Variants in RBFOX3 observed in about 807,000 individuals in gnomAD.
RBFOX3 encodes RNA binding protein fox-1 homolog 3.
In RBFOX3, 17 loss-of-function variants were observed where a neutral mutation model predicts 48.7. The observed-to-expected ratio is 0.35, with a 90% confidence interval of 0.24 to 0.52. The LOEUF is 0.52. RBFOX3 is among the 20% of genes least tolerant of loss of function. RBFOX3 has a pLI of 0.94. For synonymous variants in RBFOX3, 212 were observed against 209.5 expected (o/e 1.01, Z -0.10); for missense variants, 382 against 497.5 (o/e 0.77, Z 2.21).
intron 1 of RBFOX3, among the ~76,000 whole-genome samples, chr17:79,593,057 G>C (rs1384345471): frequency 6.6e-6 from 1 of 152,134 alleles, no homozygotes; most frequent in Non-Finnish European, 1.5e-5. Flanking sequence ...GCCCACACTG[G>C]GCTCTTGCCA....
At chr17:79,614,924 GAGA>G (rs1437595567), upstream of RBFOX3, among the ~76,000 whole-genome samples, 19 of 152,242 alleles carry the variant, frequency 1.2e-4, no homozygotes, top group Non-Finnish European at 2.5e-4. Flanking sequence ...GGCCCCCAGA[GAGA>G]AGGAGGAGGA....
At chr17:79,633,605 T>G in the RBFOX3 span, among the ~76,000 whole-genome samples, 1 of 152,046 alleles carries the variant, frequency 6.6e-6, no homozygotes, top group African/African-American at 2.4e-5. Flanking sequence ...GCTGTTTTTT[T>G]TTTTAACTGT....
chr17:79,172,028 G>T (rs1464431790), intron 4 of RBFOX3, among the ~76,000 whole-genome samples: 1 of 151,860 alleles, frequency 6.6e-6, no homozygotes. Context: ...ATAAAAATTA[G>T]CCAGGGGTGG....
chr17:79,237,806 T>C (rs189494765), intron 3 of RBFOX3, among the ~76,000 whole-genome samples: 1 of 152,278 alleles, frequency 6.6e-6, no homozygotes, highest in Admixed American at 6.5e-5. Context: ...TGGAGCCATC[T>C]CCACACACAG....
intron 4 of RBFOX3, among the ~76,000 whole-genome samples, chr17:79,151,117 C>G (rs979283158): frequency 6.6e-6 from 1 of 152,114 alleles, no homozygotes; most frequent in African/African-American, 2.4e-5. Context: ...CAGCTCTTGG[C>G]GCAGATTCTG....
At chr17:79,424,520 T>TCTCTCCAGCTGGAGTCACCACTGGC (rs2067007651) in intron 2 of RBFOX3, among the ~76,000 whole-genome samples, 2 of 152,140 alleles carry the variant, frequency 1.3e-5, no homozygotes, top group Admixed American at 1.3e-4. Context: ...CCTGTGAAAT[T>TCTCTCCAGCTGGAGTCACCACTGGC]CTCTCCAGCT....
intron 3 of RBFOX3, among the ~76,000 whole-genome samples, chr17:79,264,179 G>T (rs1353425955): frequency 1.3e-5 from 2 of 151,496 alleles, no homozygotes; most frequent in African/African-American, 4.8e-5. Flanking sequence ...GGATTCAAGT[G>T]ATTCTCATCC....
At chr17:79,387,942 A>ATG (rs1463964119) in intron 2 of RBFOX3, among the ~76,000 whole-genome samples, 1 of 151,970 alleles carries the variant, frequency 6.6e-6, no homozygotes, top group African/African-American at 2.4e-5. Context: ...GCATGTGTAC[A>ATG]TGTGTGCATG....
intron 1 of RBFOX3, among the ~76,000 whole-genome samples, chr17:79,581,736 G>A (rs1167842879): frequency 3.3e-5 from 5 of 152,268 alleles, no homozygotes; most frequent in African/African-American, 9.6e-5. Context: ...CACCTGCTCC[G>A]GACCTGGCAG....
rs1052319357 is a variant in RBFOX3, at chr17:79,363,132, C to G, written c.-174-55308G>C. On this transcript the variant is annotated intron_variant, in intron 2 of 14. Transcript: ENST00000693108. This position sits in a 1 kb window ranked among gnomAD's most constrained non-coding sequence, Gnocchi z 4.7. ...CCGCAGGGGAGGCACGTGGCTCCTG[C>G]AGGGGAGATGGAGGGGAGGCACATG... Among the ~76,000 whole-genome samples the G allele has an allele frequency of 6.6e-6, 1 of 152,126 alleles. No individual in the cohort carries two copies. The highest frequency in any genetic ancestry group is 2.4e-5 in the African/African-American group (1 of 41,420).
chr17:79,298,973 G>A (rs1468004709), intron 3 of RBFOX3, among the ~76,000 whole-genome samples: 3 of 152,180 alleles, frequency 2.0e-5, no homozygotes, highest in African/African-American at 4.8e-5. Flanking sequence ...AGCACCGGGC[G>A]GCAGCCTGCT....
intron 2 of RBFOX3, among the ~76,000 whole-genome samples, chr17:79,344,783 T>C (rs1040617187): frequency 6.6e-6 from 1 of 152,112 alleles, no homozygotes; most frequent in Non-Finnish European, 1.5e-5. Flanking sequence ...CTCAAACTCC[T>C]GATCTCAGGT....
chr17:79,527,297 C>T (rs1183371470), intron 1 of RBFOX3, among the ~76,000 whole-genome samples: 1 of 152,280 alleles, frequency 6.6e-6, no homozygotes. Context: ...TCTTTTCTCT[C>T]TTTTCTTTCT....
chr17:79,202,068 T>C (rs1261937642), intron 4 of RBFOX3, among the ~76,000 whole-genome samples: 1 of 152,122 alleles, frequency 6.6e-6, no homozygotes, highest in African/African-American at 2.4e-5. Flanking sequence ...CAGCAGTCAT[T>C]ACCAGGAGAA....
chr17:79,227,567 G>A (rs533621801), intron 4 of RBFOX3, among the ~76,000 whole-genome samples: 12 of 152,336 alleles, frequency 7.9e-5, no homozygotes, highest in Middle Eastern at 3.4e-3. Context: ...TTCAGCACAG[G>A]GCCCCGCTCA....
intron 1 of RBFOX3, among the ~76,000 whole-genome samples, chr17:79,580,060 G>A (rs1211865799): frequency 7.9e-5 from 12 of 151,970 alleles, no homozygotes; most frequent in Admixed American, 2.6e-4. Context: ...TGGTCCCTCC[G>A]AGGTAACTGC....
At chr17:79,295,240 A>G (rs575106117) in intron 3 of RBFOX3, among the ~76,000 whole-genome samples, 226 of 152,326 alleles carry the variant, frequency 1.5e-3, no homozygotes, top group Non-Finnish European at 2.4e-3. Flanking sequence ...CTAAATCCAC[A>G]GCGCTAGAAA....
intron 1 of RBFOX3, among the ~76,000 whole-genome samples, chr17:79,521,207 C>G (rs2086018314): frequency 6.6e-6 from 1 of 151,032 alleles, no homozygotes; most frequent in African/African-American, 2.5e-5. Context: ...CAGATACACA[C>G]TCACGCTCAG....
rs1336657751 is a variant in RBFOX3, at chr17:79,364,700, T to A, written c.-174-56876A>T. On this transcript the variant is annotated intron_variant, in intron 2 of 14. Coordinates refer to ENST00000693108, the MANE Select transcript of RBFOX3 (RefSeq NM_001350451.2). This position sits in a 1 kb window ranked among gnomAD's most constrained non-coding sequence, Gnocchi z 5.1. The stretch of plus-strand genomic sequence containing the variant: ...GGTGGGGAAGCACGCTCTCCACTGA[T>A]GGGGGACACCATATGGGGCTGGGGA... Among the ~76,000 whole-genome samples, 1 of 152,038 alleles carries A rather than the reference T, an allele frequency of 6.6e-6. No homozygotes were observed. Among genetic ancestry groups the A allele is most frequent in the Non-Finnish European group, 1.5e-5 (1 of 68,004 alleles).
Sources: allele counts gnomAD v4.1 joint callset (sites outside exome capture counted in the v4.1 genomes callset), GRCh38; gene constraint gnomAD v4.1.1; non-coding constraint Gnocchi (gnomAD v3.1); transcripts MANE v1.5; gene names NCBI Gene and HGNC (gene_info 2026-07-23, HGNC 2026-07-21).